ADGRD2: variants seen among roughly 807,000 people sequenced by gnomAD.
ADGRD2 encodes the protein adhesion G protein-coupled receptor D2.
Under a neutral mutation model 44.4 loss-of-function variants are expected in ADGRD2, and 71 were observed. That is an observed-to-expected ratio of 1.60 (90% confidence interval 1.32 to 1.95). The LOEUF is 1.95. Among genes scored for constraint, ADGRD2 ranks in the 30% most tolerant of loss-of-function variants. ADGRD2 has a pLI of 0.00. For synonymous variants in ADGRD2, 481 were observed against 224.8 expected, an observed-to-expected ratio of 2.14 and a Z score of -10.19; for missense variants, 1,039 against 512.4, an observed-to-expected ratio of 2.03 and a Z score of -9.92.
chr9:124,469,793 T>C (rs572576020), intron 16 of ADGRD2, among the ~76,000 whole-genome samples: 158 of 152,372 alleles, frequency 1.0e-3, no homozygotes, highest in Middle Eastern at 3.4e-3. Context: ...TGGTCACTGA[T>C]CCGTTTGAGG....
intron 17 of ADGRD2, among the ~76,000 whole-genome samples, chr9:124,473,549 ATTTGT>A (rs1831990677): frequency 6.6e-6 from 1 of 152,186 alleles, no homozygotes; most frequent in South Asian, 2.1e-4. Flanking sequence ...GTGTGAGCTC[ATTTGT>A]TTTGTTCAGT....
intron 6 of ADGRD2, among the ~76,000 whole-genome samples, chr9:124,456,084 T>A (rs1831611055): frequency 1.3e-5 from 2 of 152,222 alleles, no homozygotes; most frequent in Non-Finnish European, 2.9e-5. Context: ...TCCGAGGCAC[T>A]GCAGTAGACT....
intron 10 of ADGRD2, among the ~76,000 whole-genome samples, chr9:124,460,388 AT>A (rs1554718954): frequency 1.4e-5 from 2 of 145,152 alleles, no homozygotes; most frequent in East Asian, 2.0e-4. Context: ...ATATATATAT[AT>A]TTTTTTTTAG....
At position 124,453,988 on chromosome 9, in the gene ADGRD2, G is replaced by C. The variant is rs992172675; in HGVS notation, c.924-11G>C. 3.0e-6 allele frequency: 2 copies of C among 674,126 alleles called. No homozygotes were observed. Among genetic ancestry groups the C allele is most frequent in the Admixed American group, 2.4e-5 (1 of 42,390 alleles). The allele number at this position is 674,126 out of a possible 1,614,324, so 41.8% of individuals were successfully genotyped here. A position where few individuals can be genotyped will look rare whatever the true frequency, so the allele number is the denominator to read the frequency against. ...CCTAGGGAGCCCTGACAGCTCCCCT[G>C]CCCCTGCCAGTGCCCTCCGAGGAGT... On this transcript the variant is annotated splice_polypyrimidine_tract_variant and intron_variant, in intron 3 of 21. Transcript: ENST00000334810.
In ADGRD2 at chr9:124,452,535, GA is replaced by G. The variant is rs1564136465; in HGVS notation, c.96del (p.Lys33ArgfsTer14). On this transcript the variant is annotated frameshift_variant, in exon 2 of 22. Transcript: ENST00000334810. LOFTEE classifies it high-confidence loss of function. ...CCCCCGTGGCCGCCGGCGAGGTGGT[GA>G]AGACTGCAGGTGGGGTGTGCAAGTT... is the stretch of plus-strand genomic sequence containing the variant. 1.4e-6 allele frequency: 1 copy of G among 718,584 alleles called. No homozygotes were observed. The highest frequency in any genetic ancestry group is 2.6e-6 in the Non-Finnish European group (1 of 385,102). 44.5% of individuals were successfully genotyped at this position (718,584 alleles called of 1,614,324 possible). A position where few individuals can be genotyped will look rare whatever the true frequency, so the allele number is the denominator to read the frequency against.
chr9:124,471,782 G>A (rs970813428), intron 17 of ADGRD2, among the ~76,000 whole-genome samples: 4 of 152,224 alleles, frequency 2.6e-5, no homozygotes, highest in African/African-American at 9.6e-5. Context: ...TGGGTGCCAG[G>A]CCGCAGCAGC....
intron 6 of ADGRD2, among the ~76,000 whole-genome samples, chr9:124,455,890 C>A (rs768665458): frequency 2.0e-5 from 3 of 152,152 alleles, no homozygotes; most frequent in Non-Finnish European, 4.4e-5. Flanking sequence ...ACAGTGCCTG[C>A]AAATTATCTG....
intron 10 of ADGRD2, among the ~76,000 whole-genome samples, chr9:124,462,213 A>G (rs1357466863): frequency 6.6e-6 from 1 of 151,348 alleles, no homozygotes; most frequent in Non-Finnish European, 1.5e-5. Flanking sequence ...ATTACAGGCG[A>G]TCTACCATGC....
At chr9:124,458,964 A>G (rs1444287761) in intron 10 of ADGRD2, among the ~76,000 whole-genome samples, 4 of 152,170 alleles carry the variant, frequency 2.6e-5, no homozygotes, top group Non-Finnish European at 2.9e-5. Context: ...CACTTCATCC[A>G]AAGCTTGGGA....
At chr9:124,475,725 C>T in intron 19 of ADGRD2, 110 bp downstream of exon 22, 1 of 557,780 alleles carries the variant, frequency 1.8e-6, no homozygotes, top group Non-Finnish European at 3.2e-6. Context: ...GCTGGGGGAC[C>T]AGCCTGAGGC....
Position 124,469,565 on chromosome 9 carries a change from G to T in ADGRD2, c.2637+18G>T. 1.4e-6 allele frequency: 1 copy of T among 717,054 alleles called. No homozygotes were observed. The highest frequency in any genetic ancestry group is 2.6e-6 in the Non-Finnish European group (1 of 384,714). The allele number at this position is 717,054 out of a possible 1,614,324, so 44.4% of individuals were successfully genotyped here. A position where few individuals can be genotyped will look rare whatever the true frequency, so the allele number is the denominator to read the frequency against. On this transcript the variant is annotated intron_variant, in intron 16 of 21. Transcript: ENST00000334810. ...CAGATATGGTGAGGCCCCAGAATGGGGGGCCAGCAGGAAGCAGGAAGTGCA... is the reference window on the plus strand; with the variant it reads ...CAGATATGGTGAGGCCCCAGAATGGTGGGCCAGCAGGAAGCAGGAAGTGCA...
chr9:124,463,735 A>G (rs2131244377), intron 10 of ADGRD2, among the ~76,000 whole-genome samples: 1 of 152,320 alleles, frequency 6.6e-6, no homozygotes, highest in Non-Finnish European at 1.5e-5. Context: ...AGATTTGCTT[A>G]TAATATTTCC....
At chr9:124,468,341 G>A (rs7854156) in intron 13 of ADGRD2, among the ~76,000 whole-genome samples, 151 bp downstream of exon 16, 3,699 of 152,322 alleles carry the variant, frequency 0.024, 172 homozygotes, top group African/African-American at 0.085. Flanking sequence ...GGCCCCGGGA[G>A]GAAAGGGCCC....
intron 7 of ADGRD2, 24 bp from the exon 11 acceptor site, chr9:124,457,448 C>A (rs1466419111): frequency 1.8e-6 from 1 of 566,880 alleles, no homozygotes; most frequent in Non-Finnish European, 3.2e-6. Context: ...CGAGGTCCAG[C>A]CACCCAGCCC....
At chr9:124,457,629 C>T (rs1831642987) in intron 8 of ADGRD2, 23 bp downstream of exon 11, 6 of 598,958 alleles carry the variant, frequency 1.0e-5, no homozygotes, top group Non-Finnish European at 1.8e-5. Flanking sequence ...GAGGGGGTGT[C>T]CAGAGCCCTG....
intron 11 of ADGRD2, 43 bp from the exon 15 acceptor site, chr9:124,467,678 G>C (rs1423390445): frequency 4.2e-6 from 3 of 716,590 alleles, no homozygotes; most frequent in Non-Finnish European, 7.8e-6. Flanking sequence ...GCCTGGGTTG[G>C]GTCTGGGTGG....
At chr9:124,459,703 A>G (rs1831691887) in intron 10 of ADGRD2, among the ~76,000 whole-genome samples, 1 of 152,194 alleles carries the variant, frequency 6.6e-6, no homozygotes, top group African/African-American at 2.4e-5. Flanking sequence ...GCAAGACAGT[A>G]TAACAGCTAT....
upstream of ADGRD2, among the ~76,000 whole-genome samples, chr9:124,450,905 C>T (rs4372103): frequency 0.088 from 13,353 of 152,210 alleles, 935 homozygotes; most frequent in African/African-American, 0.17. Flanking sequence ...TTGTGTAAAG[C>T]CAGGGCTGGA....
intron 10 of ADGRD2, among the ~76,000 whole-genome samples, chr9:124,460,376 A>G (rs901051468): frequency 1.2e-5 from 1 of 80,704 alleles, no homozygotes; most frequent in Non-Finnish European, 2.4e-5. Flanking sequence ...CTAATTTTGT[A>G]TATATATATA....
Sources: gnomAD v4.1 joint callset for allele counts (sites outside exome capture counted in the v4.1 genomes callset) on GRCh38, gnomAD v4.1.1 for gene constraint, MANE v1.5 for transcripts, NCBI Gene and HGNC (gene_info 2026-07-23, HGNC 2026-07-21) for gene names.